TBC1D9B: variants seen among roughly 807,000 people sequenced by gnomAD.
The protein encoded by TBC1D9B is TBC1 domain family, member 9B (with GRAM domain).
TBC1D9B carries 87 observed loss-of-function variants against 121.1 expected under a neutral mutation model. The ratio of observed to expected loss-of-function variants is 0.72; its 90% CI spans 0.60 to 0.86. The LOEUF is 0.86. TBC1D9B is among the 40% of genes least tolerant of loss of function. The pLI is 0.00. For synonymous variants in TBC1D9B, 668 were observed against 670.1 expected (o/e 1.00, Z 0.05); for missense variants, 1,540 against 1,628.6 (o/e 0.95, Z 0.94).
At position 179,863,547 on chromosome 5, in the gene TBC1D9B, C is replaced by T; in HGVS notation, c.3603G>A (p.Glu1201=). The part of the protein sequence containing the change: ...LTESVLVNFF[E]KRVDIGLKIK... ...TCTTGAGTCCAATGTCCACTCTCTT[C>T]TCAAAGAAGTTCACCAGCACGGACT... Residue 1201 remains glutamate, a synonymous_variant, in exon 21 of 21, where the codon GAG becomes GAA. Coordinates refer to ENST00000355235, the MANE Select transcript of TBC1D9B (RefSeq NM_015043.4). This position sits in a 1 kb window ranked among gnomAD's most constrained non-coding sequence, Gnocchi z 4.5. 6.2e-7 allele frequency: 1 copy of T among 1,614,220 alleles called. No individual in the cohort carries two copies. Among genetic ancestry groups the T allele is most frequent in the Non-Finnish European group, 8.5e-7 (1 of 1,180,048 alleles).
At chr5:179,882,603 G>A (rs535005000) in intron 7 of TBC1D9B, among the ~76,000 whole-genome samples, 1 of 152,178 alleles carries the variant, frequency 6.6e-6, no homozygotes, top group South Asian at 2.1e-4. Flanking sequence ...CAGCACTCTG[G>A]GAGGCTGAGG....
rs1582081508 is a variant in TBC1D9B at position 179,874,846 on chromosome 5, G to A, written c.2186+56C>T. 6.9e-6 allele frequency: 11 copies of A among 1,584,650 alleles called. No homozygotes were observed. In the East Asian group the frequency reaches 2.5e-4, roughly 35 times the overall value. ...TCAGGCTGACTGGACAGTGCCCGGG[G>A]CTGGTGAGGGGTTCTGCTGTGAGCC... On this transcript the variant is annotated intron_variant, in intron 12 of 20. Transcript: ENST00000355235. This position sits in a 1 kb window ranked among gnomAD's most constrained non-coding sequence, Gnocchi z 4.3.
At chr5:179,879,341 G>A in intron 8 of TBC1D9B, 144 bp from the exon 9 acceptor site, 1 of 1,301,374 alleles carries the variant, frequency 7.7e-7, no homozygotes, top group Non-Finnish European at 1.0e-6. Flanking sequence ...GAAAGACCAG[G>A]CCGCGCTGAG....
rs199690704 is a variant in TBC1D9B at position 179,893,308 on chromosome 5, T to C, written c.737A>G (p.Asn246Ser). 370 of 1,613,900 alleles carry C rather than the reference T, an allele frequency of 2.3e-4. 2 individuals carry two copies. Among genetic ancestry groups the C allele is most frequent in the Non-Finnish European group, 2.5e-4 (295 of 1,180,028 alleles). The change falls in exon 5 of 21, where the codon AAC becomes AGC. Residue 246 changes from asparagine to serine, a missense_variant. Coordinates refer to ENST00000355235, the MANE Select transcript of TBC1D9B (RefSeq NM_015043.4). ...GTCCAGCAGCTGCCGCATGGCCAGGTTGGCCAACTGCTCCATGAGCTTGAA... is the reference window on the plus strand; with the variant it reads ...GTCCAGCAGCTGCCGCATGGCCAGGCTGGCCAACTGCTCCATGAGCTTGAA... ...ETFKLMEQLA[N>S]LAMRQLLDSE...
chr5:179,906,024 C>T (rs764323189), intron 1 of TBC1D9B, among the ~76,000 whole-genome samples: 6 of 152,184 alleles, frequency 3.9e-5, no homozygotes, highest in African/African-American at 9.7e-5. Context: ...GGATAACAGG[C>T]GCGTGCCACC....
chr5:179,865,200 A>C lies in TBC1D9B; in HGVS notation c.3021+54T>G. On this transcript the variant is annotated intron_variant, in intron 20 of 20. Transcript: ENST00000355235. The surrounding 1 kb of genome is among the most constrained non-coding windows in gnomAD (Gnocchi z 5.1). Reference sequence around the variant, plus strand: ...TGCAGGTGCGGTGATGTTAGGGCCCAGTCTTGGTCAGAACTCTCCAGAAAT... The same window carrying C: ...TGCAGGTGCGGTGATGTTAGGGCCCCGTCTTGGTCAGAACTCTCCAGAAAT... 1 of 1,556,570 alleles carries C rather than the reference A, an allele frequency of 6.4e-7. No homozygotes were observed. The highest frequency in any genetic ancestry group is 8.9e-7 in the Non-Finnish European group (1 of 1,127,792).
intron 15 of TBC1D9B, 140 bp downstream of exon 15, chr5:179,871,322 A>G: frequency 1.3e-6 from 1 of 797,330 alleles, no homozygotes; most frequent in African/African-American, 1.7e-5. Context: ...GCATCTGAGG[A>G]TGCACTTAGA....
Position 179,885,854 on chromosome 5 carries a change from C to T in TBC1D9B, c.1254+2249G>A, listed in dbSNP as rs984547665. 7.2e-5 allele frequency among the ~76,000 whole-genome samples: 11 copies of T among 152,192 alleles called. No homozygotes were observed. Among genetic ancestry groups the T allele is most frequent in the African/African-American group, 2.2e-4 (9 of 41,440 alleles). ...GACTCTTCACTGGCTTCCCCTCTCACCTGAAGTCAAAGCTGCAGCACTCAC... is the reference window on the plus strand; with the variant it reads ...GACTCTTCACTGGCTTCCCCTCTCATCTGAAGTCAAAGCTGCAGCACTCAC... On this transcript the variant is annotated intron_variant, in intron 7 of 20. Transcript: ENST00000355235. The surrounding 1 kb of genome is among the most constrained non-coding windows in gnomAD (Gnocchi z 4.5).
chr5:179,869,652 C>A (rs906688495), intron 17 of TBC1D9B, 117 bp downstream of exon 17: 61 of 1,110,390 alleles, frequency 5.5e-5, no homozygotes, highest in Non-Finnish European at 7.4e-5. Flanking sequence ...GAACCTCCAG[C>A]CTGCGACGCT....
chr5:179,902,156 C>G lies in TBC1D9B; in HGVS notation c.229+2546G>C, dbSNP rs1263837016. 2.6e-5 allele frequency among the ~76,000 whole-genome samples: 4 copies of G among 152,252 alleles called. No homozygotes were observed. Among genetic ancestry groups the G allele is most frequent in the African/African-American group, 9.6e-5 (4 of 41,468 alleles). On this transcript the variant is annotated intron_variant, in intron 2 of 20. Coordinates refer to ENST00000355235, the MANE Select transcript of TBC1D9B (RefSeq NM_015043.4). This position sits in a 1 kb window ranked among gnomAD's most constrained non-coding sequence, Gnocchi z 4.9. ...ATGGGCTTCCACGTAAAAGCGTGTGCAGACACGTCATGTCCAGAGGAGTAA... is the reference window on the plus strand; with the variant it reads ...ATGGGCTTCCACGTAAAAGCGTGTGGAGACACGTCATGTCCAGAGGAGTAA...
chr5:179,867,897 T>A (rs774646003), intron 17 of TBC1D9B, 48 bp from the exon 18 acceptor site: 29 of 1,489,516 alleles, frequency 1.9e-5, no homozygotes, highest in Non-Finnish European at 2.4e-5. Context: ...AACAAGGAGA[T>A]CCTCTCAGAG....
In TBC1D9B at chr5:179,863,542, C is replaced by G. The variant is rs373286778; in HGVS notation, c.3608G>C (p.Arg1203Thr). Residue 1203 changes from arginine (R) to threonine (T), a missense_variant, in exon 21 of 21, where the codon AGA (arginine) becomes ACA (threonine). Arg to Thr is a moderately conservative substitution (Grantham distance 71). Coordinates refer to ENST00000355235, the MANE Select transcript of TBC1D9B (RefSeq NM_015043.4). This position sits in a 1 kb window ranked among gnomAD's most constrained non-coding sequence, Gnocchi z 4.5. ...ESVLVNFFEK[R>T]VDIGLKIKDQ... ...CTTGATCTTGAGTCCAATGTCCACTCTCTTCTCAAAGAAGTTCACCAGCAC... is the reference window on the plus strand; with the variant it reads ...CTTGATCTTGAGTCCAATGTCCACTGTCTTCTCAAAGAAGTTCACCAGCAC... The G allele has an allele frequency of 6.2e-6, 10 of 1,614,094 alleles. No individual in the cohort carries two copies. Among genetic ancestry groups the G allele is most frequent in the Non-Finnish European group, 7.6e-6 (9 of 1,180,046 alleles).
chr5:179,869,359 T>C (rs947798945), intron 17 of TBC1D9B: 13 of 359,220 alleles, frequency 3.6e-5, no homozygotes, highest in Non-Finnish European at 6.1e-5. Flanking sequence ...CAGAGAGAAG[T>C]GGCCCCTCCT....
In TBC1D9B at chr5:179,865,914, A is replaced by G. The variant is rs1759993335; in HGVS notation, c.2864-26T>C. ...CTGGACAAACGCAAAAATAAAAAGA[A>G]CATGAATAACATTCTGCTGTTGGGA... On this transcript the variant is annotated intron_variant, in intron 18 of 20. Transcript: ENST00000355235. The surrounding 1 kb of genome is among the most constrained non-coding windows in gnomAD (Gnocchi z 5.1). The G allele has an allele frequency of 6.2e-7, 1 of 1,613,714 alleles. No individual in the cohort carries two copies. The highest frequency in any genetic ancestry group is 1.3e-5 in the African/African-American group (1 of 74,906).
In TBC1D9B at chr5:179,893,483, T is replaced by C. The variant is rs778952126; in HGVS notation, c.578-16A>G. ...ACGAGGCTCACTGTGCCCACAGAGA[T>C]AGACACACCGCAAGTTAGGGCCTGG... On this transcript the variant is annotated splice_polypyrimidine_tract_variant and intron_variant, in intron 4 of 20. Coordinates refer to ENST00000355235, the MANE Select transcript of TBC1D9B (RefSeq NM_015043.4). 6 of 1,579,422 alleles carry C rather than the reference T, an allele frequency of 3.8e-6. No individual in the cohort carries two copies. The highest frequency in any genetic ancestry group is 2.3e-5 in the East Asian group (1 of 44,442).
chr5:179,887,331 T>C (rs1230823422), intron 7 of TBC1D9B, among the ~76,000 whole-genome samples: 2 of 152,218 alleles, frequency 1.3e-5, no homozygotes, highest in Non-Finnish European at 2.9e-5. Flanking sequence ...CAGGCGGACC[T>C]GCCAGAACCA....
At position 179,899,205 on chromosome 5, in the gene TBC1D9B, A is replaced by G. The variant is rs748719652; in HGVS notation, c.332T>C (p.Val111Ala). The G allele has an allele frequency of 6.2e-7, 1 of 1,612,616 alleles. No homozygotes were observed. The highest frequency in any genetic ancestry group is 1.1e-5 in the South Asian group (1 of 90,960). The change falls in exon 3 of 21, where the codon GTC (valine) becomes GCC (alanine). Residue 111 changes from valine (V) to alanine (A), a missense_variant. By Grantham distance (64) the Val-to-Ala change is moderately conservative. Transcript: ENST00000355235. ...FDSEEDITTF[V>A]KGKIHGIIAE... is the part of the protein sequence containing the mutation. ...AAACCTTACGTGTATCTTGCCCTTG[A>G]CGAAGGTGGTGATATCTTCCTCACT...
chr5:179,879,461 A>G, intron 8 of TBC1D9B, 167 bp downstream of exon 8: 1 of 1,158,404 alleles, frequency 8.6e-7, no homozygotes, highest in South Asian at 1.5e-5. Context: ...GGAGCCCCCC[A>G]GAGAGTGCCT....
At position 179,907,104 on chromosome 5, in the gene TBC1D9B, C is replaced by T. The variant is rs1761343268; in HGVS notation, c.118+600G>A. Among the ~76,000 whole-genome samples the T allele has an allele frequency of 6.6e-6, 1 of 152,210 alleles. No individual in the cohort carries two copies. The highest frequency in any genetic ancestry group is 1.5e-5 in the Non-Finnish European group (1 of 68,040). ...CCACCTTGGCGAGCTTGCAGGAACA[C>T]CCTGTGCCGCTACCCACAGCCTTGG... On this transcript the variant is annotated intron_variant, in intron 1 of 20. Coordinates refer to ENST00000355235, the MANE Select transcript of TBC1D9B (RefSeq NM_015043.4). The surrounding 1 kb of genome is among the most constrained non-coding windows in gnomAD (Gnocchi z 5.3).
Sources: gnomAD v4.1 joint callset for allele counts (sites outside exome capture counted in the v4.1 genomes callset) on GRCh38, gnomAD v4.1.1 for gene constraint, Gnocchi (gnomAD v3.1) non-coding constraint, MANE v1.5 for transcripts, NCBI Gene and HGNC (gene_info 2026-07-23, HGNC 2026-07-21) for gene names.